The following PARD3B variants were observed in gnomAD, a reference collection of about 807,000 sequenced individuals.
The protein encoded by PARD3B is par-3 family cell polarity regulator beta.
Under a neutral mutation model 130.2 loss-of-function variants are expected in PARD3B, and 103 were observed. The observed-to-expected ratio is 0.79, with a 90% CI of 0.67 to 0.93. The LOEUF is 0.93. PARD3B is among the 40% of genes least tolerant of loss of function. The probability of loss-of-function intolerance (pLI) is 0.00; values close to 1 mark genes in which losing one functional copy is unlikely to be tolerated. For synonymous variants in PARD3B, 583 were observed against 553.2 expected (o/e 1.05, Z -0.76); for missense variants, 1,609 against 1,499.2 (o/e 1.07, Z -1.21).
chr2:205,493,738 A>G (rs968486852), intron 20 of PARD3B, among the ~76,000 whole-genome samples: 4 of 142,670 alleles, frequency 2.8e-5, no homozygotes, highest in East Asian at 4.0e-4. Flanking sequence ...TTATTTATTT[A>G]TTTATTTATT....
At position 204,686,194 on chromosome 2, in the gene PARD3B, G is replaced by T; in HGVS notation, c.134G>T (p.Trp45Leu). The T allele has an allele frequency of 1.2e-6, 2 of 1,609,204 alleles. No homozygotes were observed. Among genetic ancestry groups the T allele is most frequent in the Non-Finnish European group, 1.7e-6 (2 of 1,175,742 alleles). Residue 45 changes from tryptophan to leucine, a missense_variant, in exon 2 of 23, where the codon TGG (tryptophan) becomes TTG (leucine). By Grantham distance (61) the Trp-to-Leu change is moderately conservative. Transcript: ENST00000406610. ...LKTREKGPGY[W>L]VKIHHLEYTD... The stretch of plus-strand genomic sequence containing the variant: ...GTTCTACTATAGGGTCCTGGTTACT[G>T]GGTGAAGATTCATCACTTAGAATAT...
intron 1 of PARD3B, among the ~76,000 whole-genome samples, chr2:204,671,190 G>T (rs2036279921): frequency 6.6e-6 from 1 of 152,060 alleles, no homozygotes; most frequent in African/African-American, 2.4e-5. Context: ...TTTTTACTTT[G>T]CTGGCGTTGG....
chr2:204,927,859 G>A (rs148785757), intron 2 of PARD3B, among the ~76,000 whole-genome samples: 45 of 152,072 alleles, frequency 3.0e-4, no homozygotes, highest in African/African-American at 7.7e-4. Flanking sequence ...TAGGTAGGTA[G>A]GTAGATAGAT....
At chr2:204,720,966 A>T (rs1443145867) in intron 2 of PARD3B, among the ~76,000 whole-genome samples, 1 of 152,086 alleles carries the variant, frequency 6.6e-6, no homozygotes, top group African/African-American at 2.4e-5. Flanking sequence ...CATATAAGGA[A>T]CATAAAAAAA....
At chr2:205,531,042 C>T (rs1319767023) in intron 21 of PARD3B, among the ~76,000 whole-genome samples, 3 of 152,230 alleles carry the variant, frequency 2.0e-5, no homozygotes, top group African/African-American at 2.4e-5. Flanking sequence ...AGAGCCTAAA[C>T]GTGATTGCTG....
chr2:204,988,122 A>G lies in PARD3B; in HGVS notation c.394+22799A>G, dbSNP rs1188603920. Among the ~76,000 whole-genome samples the G allele has an allele frequency of 6.6e-5, 10 of 152,264 alleles. No individual in the cohort carries two copies. In the East Asian group the frequency reaches 1.9e-3, roughly 29 times the overall value. ...AAGTTCTGGAGAGAAAAAAGCTGAG[A>G]CAAAAAGGAGATGAAGTTATGGTCA... On this transcript the variant is annotated intron_variant, in intron 3 of 22. Transcript: ENST00000406610.
chr2:204,597,484 A>C (rs1423397051), intron 1 of PARD3B, among the ~76,000 whole-genome samples: 3 of 152,172 alleles, frequency 2.0e-5, no homozygotes, highest in Non-Finnish European at 4.4e-5. Context: ...TAGAATATGG[A>C]GAAAAGGCAA....
At chr2:205,151,901 G>A (rs887600458) in intron 10 of PARD3B, among the ~76,000 whole-genome samples, 6 of 152,200 alleles carry the variant, frequency 3.9e-5, no homozygotes, top group African/African-American at 1.4e-4. Context: ...GCTGGTACCA[G>A]TTGTTCCTTT....
intron 3 of PARD3B, among the ~76,000 whole-genome samples, chr2:204,988,902 A>C (rs556275741): frequency 2.0e-5 from 3 of 152,308 alleles, no homozygotes; most frequent in African/African-American, 4.8e-5. Flanking sequence ...TAACAATGAA[A>C]AGAATGGACT....
intron 15 of PARD3B, among the ~76,000 whole-genome samples, chr2:205,242,446 C>T (rs1426241098): frequency 6.6e-6 from 1 of 152,128 alleles, no homozygotes; most frequent in African/African-American, 2.4e-5. Flanking sequence ...TTGTATGAAT[C>T]CCTTCTTCTG....
chr2:204,549,155 C>T (rs547684456), intron 1 of PARD3B, among the ~76,000 whole-genome samples: 3 of 152,258 alleles, frequency 2.0e-5, no homozygotes, highest in Non-Finnish European at 4.4e-5. Flanking sequence ...CCTGAAGATA[C>T]AGGGGGAGCT....
chr2:204,652,862 A>T (rs550446893), intron 1 of PARD3B, among the ~76,000 whole-genome samples: 1 of 151,140 alleles, frequency 6.6e-6, no homozygotes, highest in South Asian at 2.1e-4. Context: ...ACCATTGTGG[A>T]TCATGAGAGA....
chr2:204,817,353 A>G (rs1415812095), intron 2 of PARD3B, among the ~76,000 whole-genome samples: 1 of 151,932 alleles, frequency 6.6e-6, no homozygotes, highest in African/African-American at 2.4e-5. Flanking sequence ...AGACACAGCT[A>G]GATTTATTAG....
At chr2:204,609,448 C>T (rs1306060821) in intron 1 of PARD3B, among the ~76,000 whole-genome samples, 1 of 152,104 alleles carries the variant, frequency 6.6e-6, no homozygotes, top group Admixed American at 6.6e-5. Flanking sequence ...TGGTTTTATA[C>T]ATTTTAGGGA....
intron 2 of PARD3B, among the ~76,000 whole-genome samples, chr2:204,889,623 A>T (rs1457713816): frequency 6.6e-6 from 1 of 152,232 alleles, no homozygotes; most frequent in African/African-American, 2.4e-5. Context: ...AAGCAGCATG[A>T]TCTAAAGGAA....
intron 3 of PARD3B, among the ~76,000 whole-genome samples, chr2:205,040,167 T>G (rs980812339): frequency 6.6e-6 from 1 of 152,174 alleles, no homozygotes. Flanking sequence ...TTTCACCATA[T>G]TGGCCAGGCT....
intron 22 of PARD3B, among the ~76,000 whole-genome samples, chr2:205,606,253 G>T (rs749466828): frequency 6.6e-6 from 1 of 152,058 alleles, no homozygotes; most frequent in South Asian, 2.1e-4. Flanking sequence ...ATGGGCTCAC[G>T]AGTGGGATCT....
rs2033710548 is a variant in PARD3B at position 204,606,003 on chromosome 2, A to G, written c.120+59884A>G. On this transcript the variant is annotated intron_variant, in intron 1 of 22. Transcript: ENST00000406610. This position sits in a 1 kb window ranked among gnomAD's most constrained non-coding sequence, Gnocchi z 4.0. ...TTACTCGTGCTATTGCTTCTCAGTG[A>G]AAAGGGATCTTCTCTCCCTCTCTCC... 6.6e-6 allele frequency among the ~76,000 whole-genome samples: 1 copy of G among 152,100 alleles called. No individual in the cohort carries two copies. The highest frequency in any genetic ancestry group is 1.5e-5 in the Non-Finnish European group (1 of 68,014).
chr2:205,426,129 C>T (rs1462694886), intron 19 of PARD3B, among the ~76,000 whole-genome samples: 1 of 151,864 alleles, frequency 6.6e-6, no homozygotes, highest in African/African-American at 2.4e-5. Flanking sequence ...ATTATAGACA[C>T]CCAGAGAGGA....
Sources: gnomAD v4.1 joint callset for allele counts (sites outside exome capture counted in the v4.1 genomes callset) on GRCh38, gnomAD v4.1.1 for gene constraint, Gnocchi (gnomAD v3.1) non-coding constraint, MANE v1.5 for transcripts, NCBI Gene and HGNC (gene_info 2026-07-23, HGNC 2026-07-21) for gene names.